Variants in GLCCI1 observed in about 807,000 individuals in gnomAD.
The protein encoded by GLCCI1 is glucocorticoid-induced transcript 1 protein.
In GLCCI1, 24 loss-of-function variants were observed where a neutral mutation model predicts 52.2. That is an observed-to-expected ratio of 0.46 (90% CI 0.33 to 0.65). The LOEUF (loss-of-function observed/expected upper bound fraction) is 0.65. Among genes scored for constraint, GLCCI1 ranks in the 30% least tolerant of loss-of-function variants. The pLI is 0.02. For synonymous variants in GLCCI1, 310 were observed against 276.5 expected (o/e 1.12, Z -1.20); for missense variants, 704 against 701.5 (o/e 1.00, Z -0.04).
intron 1 of GLCCI1, chr7:7,982,070 C>T (rs1309590917): frequency 4.3e-6 from 2 of 468,116 alleles, no homozygotes; most frequent in Non-Finnish European, 8.5e-6. Flanking sequence ...AGACCGAACT[C>T]AGAACTGAAG....
chr7:8,003,632 A>T (rs1781089398), intron 1 of GLCCI1, among the ~76,000 whole-genome samples: 1 of 152,166 alleles, frequency 6.6e-6, no homozygotes, highest in Non-Finnish European at 1.5e-5. Context: ...GTCTTAATTA[A>T]AATAATGGCA....
intron 1 of GLCCI1, among the ~76,000 whole-genome samples, chr7:7,989,699 T>A (rs1780802617): frequency 6.6e-6 from 1 of 152,194 alleles, no homozygotes; most frequent in South Asian, 2.1e-4. Context: ...TTAACAACTG[T>A]TTTGTAAGTA....
chr7:8,086,427 C>T lies in GLCCI1; in HGVS notation c.1533C>T (p.Ser511=), dbSNP rs749807617. 2 of 1,614,054 alleles carry T rather than the reference C, an allele frequency of 1.2e-6. No individual in the cohort carries two copies. The highest frequency in any genetic ancestry group is 2.2e-5 in the East Asian group (1 of 44,890). The change falls in exon 8 of 8, where the codon AGC becomes AGT. Residue 511 remains serine, a synonymous_variant. Coordinates refer to ENST00000223145, the MANE Select transcript of GLCCI1 (RefSeq NM_138426.4). This position sits in a 1 kb window ranked among gnomAD's most constrained non-coding sequence, Gnocchi z 4.4. ...TTACGTCTCTTTCTGATGACACCAG[C>T]ACAGCGGGCTCCATGGAGGCCTCTG... ...VSFTSLSDDT[S]TAGSMEASVQ...
intron 1 of GLCCI1, among the ~76,000 whole-genome samples, chr7:7,994,769 T>C (rs981691670): frequency 9.9e-5 from 15 of 152,218 alleles, no homozygotes; most frequent in African/African-American, 2.7e-4. Context: ...TTGGAATACA[T>C]TGACAAAACT....
At chr7:7,980,720 T>A in intron 1 of GLCCI1, 1 of 723,240 alleles carries the variant, frequency 1.4e-6, no homozygotes, top group Middle Eastern at 2.5e-4. Context: ...TCTCAGTTTC[T>A]TATCACTACA....
chr7:8,040,852 A>G (rs750277005), intron 3 of GLCCI1, among the ~76,000 whole-genome samples: 3 of 152,182 alleles, frequency 2.0e-5, no homozygotes, highest in Non-Finnish European at 4.4e-5. Context: ...TGCTTCATCA[A>G]CTATCATTTT....
chr7:8,072,077 T>C (rs1225511914), intron 6 of GLCCI1, among the ~76,000 whole-genome samples: 1 of 152,172 alleles, frequency 6.6e-6, no homozygotes, highest in African/African-American at 2.4e-5. Flanking sequence ...ACATCAAGTA[T>C]AGATATAGAA....
intron 1 of GLCCI1, among the ~76,000 whole-genome samples, chr7:7,984,704 A>T (rs1344139065): frequency 6.6e-6 from 1 of 152,212 alleles, no homozygotes; most frequent in Non-Finnish European, 1.5e-5. Flanking sequence ...GAATAGTGTA[A>T]TTTCTCATTG....
rs57135358 is a variant in GLCCI1 at position 7,973,413 on chromosome 7, CGTGTGT to C, written c.457+3629_457+3634del. Reference sequence around the variant, plus strand: ...AGTAGGAAATGCAAATCTTTGTGTGCGTGTGTGTGTGTGTGTGTGTGTGTGTGTTTT... The same window carrying C: ...AGTAGGAAATGCAAATCTTTGTGTGCGTGTGTGTGTGTGTGTGTGTGTTTT... On this transcript the variant is annotated intron_variant, in intron 1 of 7. Coordinates refer to ENST00000223145, the MANE Select transcript of GLCCI1 (RefSeq NM_138426.4). Among the ~76,000 whole-genome samples, 107 of 147,688 alleles carry C rather than the reference CGTGTGT, an allele frequency of 7.2e-4. 1 individual carries two copies. Among genetic ancestry groups the C allele is most frequent in the African/African-American group, 2.2e-3 (88 of 40,366 alleles).
intron 6 of GLCCI1, among the ~76,000 whole-genome samples, chr7:8,071,910 TAGAC>T (rs540856659): frequency 2.0e-4 from 31 of 152,334 alleles, no homozygotes; most frequent in Middle Eastern, 6.8e-3. Flanking sequence ...TATAAAAAGT[TAGAC>T]AGTTTATAAA....
chr7:8,034,827 G>A (rs561930592), intron 3 of GLCCI1, among the ~76,000 whole-genome samples: 4 of 152,222 alleles, frequency 2.6e-5, no homozygotes, highest in East Asian at 1.9e-4. Context: ...CCTTCCCCTC[G>A]CAGCAAACTG....
chr7:8,046,923 G>A (rs1316737078), intron 3 of GLCCI1, among the ~76,000 whole-genome samples: 1 of 152,066 alleles, frequency 6.6e-6, no homozygotes, highest in Non-Finnish European at 1.5e-5. Context: ...ATTTCCCAAG[G>A]TTGAAAATTT....
chr7:8,002,664 A>C (rs1781072203), intron 1 of GLCCI1, among the ~76,000 whole-genome samples: 1 of 151,960 alleles, frequency 6.6e-6, no homozygotes, highest in African/African-American at 2.4e-5. Flanking sequence ...ATGTTTCTTC[A>C]CCCCCTGTAA....
intron 6 of GLCCI1, among the ~76,000 whole-genome samples, chr7:8,082,610 T>A (rs569440482): frequency 5.4e-4 from 82 of 152,230 alleles, no homozygotes; most frequent in African/African-American, 1.8e-3. Context: ...TTAAAAAAAA[T>A]TTTTATTGAA....
chr7:7,981,811 G>A, intron 1 of GLCCI1: 1 of 416,866 alleles, frequency 2.4e-6, no homozygotes, highest in Non-Finnish European at 4.8e-6. Context: ...GGTTCTGAAA[G>A]ATAAAGTAAG....
At chr7:8,020,366 C>A (rs56048522) in intron 2 of GLCCI1, among the ~76,000 whole-genome samples, 21,621 of 152,090 alleles carry the variant, frequency 0.14, 1,624 homozygotes, top group Admixed American at 0.19. Flanking sequence ...TATACATATA[C>A]TACTAACTTG....
intron 1 of GLCCI1, among the ~76,000 whole-genome samples, chr7:8,001,908 G>A (rs1445107208): frequency 6.6e-6 from 1 of 152,156 alleles, no homozygotes; most frequent in Non-Finnish European, 1.5e-5. Context: ...AGAACACTTG[G>A]ACACAGGAAG....
intron 1 of GLCCI1, chr7:7,980,585 C>G: frequency 1.6e-6 from 1 of 634,576 alleles, no homozygotes; most frequent in Non-Finnish European, 2.8e-6. Context: ...GGAGGAGAGT[C>G]TATTTTTGGC....
intron 1 of GLCCI1, among the ~76,000 whole-genome samples, chr7:7,997,988 A>C (rs1373771557): frequency 6.6e-6 from 1 of 151,610 alleles, no homozygotes; most frequent in African/African-American, 2.4e-5. Flanking sequence ...GTAGCTGTAG[A>C]ATATTATAGC....
Sources: allele counts gnomAD v4.1 joint callset (sites outside exome capture counted in the v4.1 genomes callset), GRCh38; gene constraint gnomAD v4.1.1; non-coding constraint Gnocchi (gnomAD v3.1); transcripts MANE v1.5; gene names NCBI Gene and HGNC (gene_info 2026-07-23, HGNC 2026-07-21).